The following RASAL2 variants were observed in gnomAD, a reference collection of about 807,000 sequenced individuals.
The protein encoded by RASAL2 is ras GTPase-activating protein nGAP.
RASAL2 carries 58 observed loss-of-function variants against 128.9 expected under a neutral mutation model. The ratio of observed to expected loss-of-function variants is 0.45; its 90% CI spans 0.36 to 0.56. The LOEUF is 0.56. RASAL2 is among the 20% of genes least tolerant of loss of function. The pLI is 0.00. For missense variants in RASAL2, 1,360 were observed against 1,601.6 expected (o/e 0.85, Z 2.57); for synonymous variants, 561 against 580.8 (o/e 0.97, Z 0.49).
chr1:178,221,576 CTT>C (rs1663614933), intron 1 of RASAL2, among the ~76,000 whole-genome samples: 1 of 152,028 alleles, frequency 6.6e-6, no homozygotes, highest in East Asian at 1.9e-4. Context: ...TATCAGCTGT[CTT>C]TGTGTTATTG....
intron 17 of RASAL2, chr1:178,470,590 A>C (rs73037564): frequency 3.3e-6 from 3 of 907,520 alleles, no homozygotes; most frequent in African/African-American, 3.4e-5. Flanking sequence ...GGATCTCTCT[A>C]TGTGACTCAG....
chr1:178,455,088 C>T (rs896008055), intron 12 of RASAL2, among the ~76,000 whole-genome samples: 1 of 152,058 alleles, frequency 6.6e-6, no homozygotes, highest in Non-Finnish European at 1.5e-5. Flanking sequence ...TTTTACTATA[C>T]AAGTCATAGA....
intron 1 of RASAL2, among the ~76,000 whole-genome samples, chr1:178,116,535 T>G (rs1659524144): frequency 6.6e-6 from 1 of 152,132 alleles, no homozygotes; most frequent in Admixed American, 6.5e-5. Context: ...AACATTACTT[T>G]TTTTTTTTAA....
chr1:178,284,570 T>C lies in RASAL2; in HGVS notation c.330+879T>C, dbSNP rs530414353. ...TTCTAAATTAAAAAACTCTTAAACT[T>C]ATCACATGCTATTACTATTTTATTC... is the stretch of plus-strand genomic sequence containing the variant. On this transcript the variant is annotated intron_variant, in intron 2 of 17. Transcript: ENST00000367649. Among the ~76,000 whole-genome samples the C allele has an allele frequency of 7.9e-5, 12 of 152,294 alleles. No homozygotes were observed. In the South Asian group the frequency reaches 2.5e-3, roughly 32 times the overall value.
intron 3 of RASAL2, among the ~76,000 whole-genome samples, chr1:178,349,674 T>C (rs919091642): frequency 1.3e-5 from 2 of 151,972 alleles, no homozygotes; most frequent in African/African-American, 4.8e-5. Context: ...TAAAAAGATA[T>C]ATATGTACTC....
intron 12 of RASAL2, among the ~76,000 whole-genome samples, chr1:178,455,499 A>G (rs1428485204): frequency 1.3e-5 from 2 of 152,226 alleles, no homozygotes; most frequent in Non-Finnish European, 2.9e-5. Context: ...GGGGAATAAA[A>G]CCTATTAACA....
chr1:178,217,041 C>T (rs764726057), intron 1 of RASAL2, among the ~76,000 whole-genome samples: 11 of 151,410 alleles, frequency 7.3e-5, no homozygotes, highest in Non-Finnish European at 1.6e-4. Context: ...AATGGCACGA[C>T]CTCGGCTCAC....
intron 3 of RASAL2, among the ~76,000 whole-genome samples, chr1:178,363,719 T>C (rs1671245745): frequency 6.6e-6 from 1 of 152,222 alleles, no homozygotes; most frequent in Admixed American, 6.5e-5. Context: ...TAATGTTCAG[T>C]GAAATCCTTT....
At chr1:178,111,449 G>A (rs939363866) in intron 1 of RASAL2, among the ~76,000 whole-genome samples, 1 of 152,180 alleles carries the variant, frequency 6.6e-6, no homozygotes, top group Non-Finnish European at 1.5e-5. Context: ...GTTTTCCTAA[G>A]TGGTTGTACC....
intron 1 of RASAL2, among the ~76,000 whole-genome samples, chr1:178,215,761 A>G (rs1182969274): frequency 1.3e-5 from 2 of 152,176 alleles, no homozygotes; most frequent in Admixed American, 6.5e-5. Context: ...GGGTAATTTC[A>G]TTTAATGCCT....
chr1:178,210,307 T>A (rs1338335369), intron 1 of RASAL2, among the ~76,000 whole-genome samples: 2 of 152,232 alleles, frequency 1.3e-5, no homozygotes, highest in Non-Finnish European at 2.9e-5. Context: ...TATATTGACC[T>A]GGCCTTGTAA....
intron 3 of RASAL2, among the ~76,000 whole-genome samples, chr1:178,324,645 C>A (rs116391518): frequency 1.5e-3 from 231 of 152,076 alleles, no homozygotes; most frequent in African/African-American, 5.4e-3. Context: ...CCCTTGACTG[C>A]CCAGAACCTT....
rs1156255148 is a variant in RASAL2 at position 178,476,577 on chromosome 1, A to T, written c.*3338A>T. On this transcript the variant is annotated 3_prime_UTR_variant, in exon 18 of 18. Coordinates refer to ENST00000367649, the MANE Select transcript of RASAL2 (RefSeq NM_170692.4). The stretch of plus-strand genomic sequence containing the variant: ...TTTTGCTTTTTTTCATATAGTATCA[A>T]GTTGGTCAGAATTAGCTTTCTCTGA... The T allele has an allele frequency of 6.6e-6, 1 of 152,180 alleles. No homozygotes were observed. Among genetic ancestry groups the T allele is most frequent in the African/African-American group, 2.4e-5 (1 of 41,440 alleles). The allele number at this position is 152,180 out of a possible 1,614,324, so 9.4% of individuals were successfully genotyped here. A position where few individuals can be genotyped will look rare whatever the true frequency, so the allele number is the denominator to read the frequency against.
intron 3 of RASAL2, among the ~76,000 whole-genome samples, chr1:178,370,567 G>A (rs879826207): frequency 6.6e-6 from 1 of 152,070 alleles, no homozygotes; most frequent in Non-Finnish European, 1.5e-5. Flanking sequence ...TCAATCGTGT[G>A]GTACTGTCAC....
chr1:178,279,966 T>C (rs766184777), intron 1 of RASAL2, among the ~76,000 whole-genome samples: 37 of 152,136 alleles, frequency 2.4e-4, no homozygotes, highest in Non-Finnish European at 5.0e-4. Context: ...TTTTAACTGA[T>C]CGGTGCATGA....
In RASAL2 at chr1:178,327,796, C is replaced by T. The variant is rs571861015; in HGVS notation, c.457+27678C>T. Among the ~76,000 whole-genome samples, 22 of 152,002 alleles carry T rather than the reference C, an allele frequency of 1.4e-4. 1 individual carries two copies. The highest frequency in any genetic ancestry group is 4.6e-4 in the Admixed American group (7 of 15,258). Reference sequence around the variant, plus strand: ...TCTTTGTAGGTATAATTAAAAATCTCAAGATAAGAACATCCTGGATATCTA... The same window carrying T: ...TCTTTGTAGGTATAATTAAAAATCTTAAGATAAGAACATCCTGGATATCTA... On this transcript the variant is annotated intron_variant, in intron 3 of 17. Transcript: ENST00000367649.
chr1:178,460,381 A>C (rs939238752), intron 14 of RASAL2, among the ~76,000 whole-genome samples: 2 of 151,980 alleles, frequency 1.3e-5, no homozygotes, highest in Non-Finnish European at 2.9e-5. Context: ...TATTAATATT[A>C]TAAATTAAAT....
intron 1 of RASAL2, among the ~76,000 whole-genome samples, chr1:178,145,062 T>C (rs1458436926): frequency 1.3e-5 from 2 of 152,184 alleles, no homozygotes; most frequent in African/African-American, 2.4e-5. Flanking sequence ...TTTTTTCATG[T>C]CAAAATTACC....
At chr1:178,260,972 T>A (rs1441023441) in intron 1 of RASAL2, among the ~76,000 whole-genome samples, 1 of 152,198 alleles carries the variant, frequency 6.6e-6, no homozygotes, top group Non-Finnish European at 1.5e-5. Context: ...AAATTGTTGT[T>A]GTTCTATAAT....
Sources: gnomAD v4.1 joint callset for allele counts (sites outside exome capture counted in the v4.1 genomes callset) on GRCh38, gnomAD v4.1.1 for gene constraint, MANE v1.5 for transcripts, NCBI Gene and HGNC (gene_info 2026-07-23, HGNC 2026-07-21) for gene names.